Variants in CTNNA3 observed in about 807,000 individuals in gnomAD.
The protein encoded by CTNNA3 is catenin alpha 3.
A neutral mutation model predicts 95.7 loss-of-function variants in CTNNA3; 76 were observed. The ratio of observed to expected loss-of-function variants is 0.79; its 90% confidence interval spans 0.66 to 0.96. CTNNA3 has a LOEUF of 0.96. Among genes scored for constraint, CTNNA3 ranks in the 40% least tolerant of loss-of-function variants. The pLI is 0.00. For synonymous variants in CTNNA3, 431 were observed against 374.4 expected, an observed-to-expected ratio of 1.15 and a Z score of -1.74; for missense variants, 1,191 against 1,089.8, an observed-to-expected ratio of 1.09 and a Z score of -1.31.
chr10:67,043,597 C>T (rs1325226764), intron 7 of CTNNA3, among the ~76,000 whole-genome samples: 1 of 152,234 alleles, frequency 6.6e-6, no homozygotes, highest in African/African-American at 2.4e-5. Context: ...ATGTGCTGAT[C>T]GTTCAGTCTG....
chr10:66,259,879 C>T (rs759408463), intron 13 of CTNNA3, among the ~76,000 whole-genome samples: 4 of 152,130 alleles, frequency 2.6e-5, no homozygotes, highest in Non-Finnish European at 4.4e-5. Flanking sequence ...TTGGGCCCAC[C>T]TGCAAAATCA....
intron 3 of CTNNA3, among the ~76,000 whole-genome samples, chr10:67,586,113 C>G (rs1019714951): frequency 1.3e-5 from 2 of 152,040 alleles, no homozygotes; most frequent in Non-Finnish European, 2.9e-5. Flanking sequence ...TGTTTAATTT[C>G]CATGTGTCTG....
intron 4 of CTNNA3, 118 bp downstream of exon 4, chr10:67,539,385 A>G (rs896827456): frequency 1.9e-6 from 2 of 1,055,220 alleles, no homozygotes; most frequent in Non-Finnish European, 2.8e-6. Flanking sequence ...CTGCTTCTGA[A>G]GGGGTGATGT....
intron 13 of CTNNA3, among the ~76,000 whole-genome samples, chr10:66,201,247 T>C (rs1198127472): frequency 2.6e-5 from 4 of 152,206 alleles, no homozygotes; most frequent in Non-Finnish European, 2.9e-5. Flanking sequence ...CTTCACTAAC[T>C]GTCTGCCTTC....
intron 15 of CTNNA3, among the ~76,000 whole-genome samples, chr10:65,996,506 G>T (rs2078663522): frequency 6.6e-6 from 1 of 152,076 alleles, no homozygotes; most frequent in African/African-American, 2.4e-5. Context: ...TGAGCCCCAG[G>T]GAGAAATGCA....
intron 11 of CTNNA3, among the ~76,000 whole-genome samples, chr10:66,457,255 G>T (rs1040287353): frequency 3.3e-5 from 5 of 151,926 alleles, no homozygotes; most frequent in African/African-American, 7.3e-5. Flanking sequence ...ACACTATTAG[G>T]AAAATGAAAA....
intron 11 of CTNNA3, among the ~76,000 whole-genome samples, chr10:66,504,540 T>C (rs1488685627): frequency 2.0e-5 from 3 of 152,232 alleles, no homozygotes; most frequent in African/African-American, 7.2e-5. Flanking sequence ...CTGAAATCTT[T>C]GTTCTCTCAC....
intron 9 of CTNNA3, among the ~76,000 whole-genome samples, chr10:66,660,107 C>A (rs1211114508): frequency 2.0e-5 from 3 of 151,996 alleles, no homozygotes; most frequent in Admixed American, 6.6e-5. Flanking sequence ...CAAGCATGAG[C>A]CACTGTGCCC....
At chr10:67,508,421 C>T (rs1839497760) in intron 5 of CTNNA3, among the ~76,000 whole-genome samples, 2 of 152,126 alleles carry the variant, frequency 1.3e-5, no homozygotes, top group Admixed American at 1.3e-4. Context: ...AAAATAGTCT[C>T]TTCAATAAGT....
chr10:67,249,011 A>G (rs1866008103), intron 5 of CTNNA3, among the ~76,000 whole-genome samples: 1 of 152,212 alleles, frequency 6.6e-6, no homozygotes, highest in African/African-American at 2.4e-5. Flanking sequence ...ACATAGGAGT[A>G]AATCTTTGTG....
At position 67,743,044 on chromosome 10, in the gene CTNNA3, T is replaced by A. The variant is rs146183043; in HGVS notation, c.-2+20390A>T. On this transcript the variant is annotated intron_variant, in intron 1 of 17. Transcript: ENST00000684154. Reference sequence around the variant, plus strand: ...CAACCAAAAACACTCCAGGACCAGATGGATTCACAGCCGAATTCTACCAGA... The same window carrying A: ...CAACCAAAAACACTCCAGGACCAGAAGGATTCACAGCCGAATTCTACCAGA... Among the ~76,000 whole-genome samples the A allele has an allele frequency of 0.034, 5,106 of 151,174 alleles. 677 individuals are homozygous for A. The East Asian group carries it at 0.44, about 13-fold the overall frequency.
intron 7 of CTNNA3, among the ~76,000 whole-genome samples, chr10:66,994,415 G>T (rs1216435283): frequency 6.6e-6 from 1 of 152,166 alleles, no homozygotes; most frequent in East Asian, 1.9e-4. Context: ...ATGAAGCTCA[G>T]TGTGAGTCTC....
intron 7 of CTNNA3, chr10:66,837,594 A>G (rs1314288522): frequency 6.6e-6 from 1 of 152,166 alleles, no homozygotes; most frequent in Non-Finnish European, 1.5e-5. Context: ...GGCAACTGCA[A>G]GGACCCACTC....
intron 10 of CTNNA3, among the ~76,000 whole-genome samples, chr10:66,570,794 T>A (rs1162572592): frequency 6.6e-6 from 1 of 152,086 alleles, no homozygotes; most frequent in Non-Finnish European, 1.5e-5. Context: ...TGATGAGACA[T>A]ATCCTTTATC....
At chr10:67,243,076 A>G (rs1052271967) in intron 5 of CTNNA3, among the ~76,000 whole-genome samples, 1 of 152,106 alleles carries the variant, frequency 6.6e-6, no homozygotes, top group African/African-American at 2.4e-5. Flanking sequence ...CTAAATTTAA[A>G]CTGAGAGGTG....
chr10:66,060,652 T>A (rs1389061381), intron 15 of CTNNA3, among the ~76,000 whole-genome samples: 2 of 152,052 alleles, frequency 1.3e-5, no homozygotes, highest in East Asian at 3.9e-4. Context: ...AACTTGGGGA[T>A]GAAGAGAGGG....
At chr10:66,446,076 G>C (rs1332792241) in intron 11 of CTNNA3, among the ~76,000 whole-genome samples, 1 of 152,158 alleles carries the variant, frequency 6.6e-6, no homozygotes, top group Admixed American at 6.5e-5. Context: ...AAATCTAGAA[G>C]AAATGGATAA....
chr10:67,611,456 G>C (rs1843451281), intron 2 of CTNNA3, among the ~76,000 whole-genome samples: 1 of 152,080 alleles, frequency 6.6e-6, no homozygotes, highest in Non-Finnish European at 1.5e-5. Context: ...TGGGACTACA[G>C]GCACCTGCCA....
intron 5 of CTNNA3, among the ~76,000 whole-genome samples, chr10:67,306,730 T>C (rs1840566904): frequency 2.6e-5 from 4 of 152,136 alleles, no homozygotes; most frequent in Non-Finnish European, 5.9e-5. Context: ...CATTGGACCA[T>C]TTTCTTGATA....
Sources: allele counts gnomAD v4.1 joint callset (sites outside exome capture counted in the v4.1 genomes callset), GRCh38; gene constraint gnomAD v4.1.1; transcripts MANE v1.5; gene names NCBI Gene and HGNC (gene_info 2026-07-23, HGNC 2026-07-21).